Variants in CHMP4B observed in about 807,000 individuals in gnomAD.
CHMP4B encodes charged multivesicular body protein 4B, also known as SNF7 homolog associated with Alix 1.
In CHMP4B, 1 loss-of-function variant was observed where a neutral mutation model predicts 25.1. That is an observed-to-expected ratio of 0.04 (90% CI 0.01 to 0.19). The LOEUF (loss-of-function observed/expected upper bound fraction) is 0.19. Ranked by LOEUF, CHMP4B falls within the 10% of genes least tolerant of loss-of-function variation. The pLI, the probability that CHMP4B is intolerant of heterozygous loss-of-function variation, is 1.00. For missense variants in CHMP4B, 151 were observed against 289.7 expected, an observed-to-expected ratio of 0.52 and a Z score of 3.48; for synonymous variants, 101 against 115.6, an observed-to-expected ratio of 0.87 and a Z score of 0.81.
intron 1 of CHMP4B, among the ~76,000 whole-genome samples, chr20:33,818,660 C>T (rs1432357778): frequency 6.6e-6 from 1 of 152,210 alleles, no homozygotes; most frequent in Non-Finnish European, 1.5e-5. Context: ...AGGGTTGGGG[C>T]AAATCCCAGC....
chr20:33,827,997 G>A (rs572200803), intron 1 of CHMP4B, among the ~76,000 whole-genome samples: 1 of 152,300 alleles, frequency 6.6e-6, no homozygotes, highest in South Asian at 2.1e-4. Context: ...TTCTGCAAAG[G>A]CCTCATGCTT....
intron 1 of CHMP4B, among the ~76,000 whole-genome samples, chr20:33,813,761 C>G (rs1333284631): frequency 6.6e-6 from 1 of 152,122 alleles, no homozygotes; most frequent in Non-Finnish European, 1.5e-5. Context: ...GAAACGGAGT[C>G]TCGCTCTGTT....
At chr20:33,827,614 G>A (rs977646937) in intron 1 of CHMP4B, among the ~76,000 whole-genome samples, 3 of 152,250 alleles carry the variant, frequency 2.0e-5, no homozygotes, top group African/African-American at 7.2e-5. Context: ...GATGCTGGAA[G>A]GCATCTTTTC....
At chr20:33,823,799 C>T (rs1485464629) in intron 1 of CHMP4B, among the ~76,000 whole-genome samples, 3 of 152,160 alleles carry the variant, frequency 2.0e-5, no homozygotes, top group Admixed American at 6.5e-5. Flanking sequence ...CTCGGCTTCC[C>T]GAAGTGCTGG....
At chr20:33,831,647 T>C (rs1386708121) in intron 1 of CHMP4B, among the ~76,000 whole-genome samples, 3 of 152,246 alleles carry the variant, frequency 2.0e-5, no homozygotes, top group Admixed American at 2.0e-4. Flanking sequence ...GTGCTAGGAT[T>C]ACAGGCATGA....
At chr20:33,853,363 C>A in intron 4 of CHMP4B, 133 bp from the exon 5 acceptor site, 4 of 804,468 alleles carry the variant, frequency 5.0e-6, no homozygotes, top group Non-Finnish European at 8.6e-6. Flanking sequence ...AGTCTCCCTA[C>A]AGCCTGGAGA....
chr20:33,835,053 C>G (rs564968977), intron 1 of CHMP4B, among the ~76,000 whole-genome samples: 1 of 152,156 alleles, frequency 6.6e-6, no homozygotes, highest in African/African-American at 2.4e-5. Flanking sequence ...GCCTCGGCCT[C>G]CCAAAATGCT....
At chr20:33,817,087 A>C (rs1007976035) in intron 1 of CHMP4B, among the ~76,000 whole-genome samples, 3 of 152,248 alleles carry the variant, frequency 2.0e-5, no homozygotes, top group African/African-American at 4.8e-5. Flanking sequence ...TCAAGATCTC[A>C]GGTTGAAAAG....
intron 2 of CHMP4B, among the ~76,000 whole-genome samples, chr20:33,850,350 A>G (rs1323223712): frequency 6.6e-6 from 1 of 152,220 alleles, no homozygotes; most frequent in Non-Finnish European, 1.5e-5. Flanking sequence ...TATATGCCTC[A>G]TTTCTGTGTT....
chr20:33,814,786 C>T (rs139859558), intron 1 of CHMP4B, among the ~76,000 whole-genome samples: 15 of 152,326 alleles, frequency 9.8e-5, no homozygotes, highest in Non-Finnish European at 7.3e-5. Flanking sequence ...TCCTGAGTAG[C>T]TAGGACTTCA....
At chr20:33,838,392 G>A (rs1979446951) in intron 1 of CHMP4B, among the ~76,000 whole-genome samples, 1 of 152,198 alleles carries the variant, frequency 6.6e-6, no homozygotes, top group Admixed American at 6.5e-5. Flanking sequence ...AGACTGGAAA[G>A]TGTGTGCCCC....
chr20:33,833,391 T>G (rs1298076113), intron 1 of CHMP4B, among the ~76,000 whole-genome samples: 1 of 152,190 alleles, frequency 6.6e-6, no homozygotes, highest in African/African-American at 2.4e-5. Flanking sequence ...AGGCCCATGG[T>G]CTTCCCTCTT....
intron 1 of CHMP4B, among the ~76,000 whole-genome samples, chr20:33,834,320 T>A (rs1020165162): frequency 1.3e-5 from 2 of 151,798 alleles, no homozygotes; most frequent in Non-Finnish European, 2.9e-5. Flanking sequence ...GTATTTGTAT[T>A]TTTTTTTGGA....
At chr20:33,824,170 A>G (rs992235602) in intron 1 of CHMP4B, among the ~76,000 whole-genome samples, 1 of 152,232 alleles carries the variant, frequency 6.6e-6, no homozygotes, top group Non-Finnish European at 1.5e-5. Context: ...GAGAAGCCTT[A>G]TGTAGGGCAG....
At chr20:33,846,888 C>T (rs1220341206) in intron 1 of CHMP4B, among the ~76,000 whole-genome samples, 1 of 152,218 alleles carries the variant, frequency 6.6e-6, no homozygotes, top group Non-Finnish European at 1.5e-5. Context: ...AAGCCTCCTT[C>T]CTAGCTTTTG....
chr20:33,841,420 G>A (rs1007451219), intron 1 of CHMP4B, among the ~76,000 whole-genome samples: 17 of 152,226 alleles, frequency 1.1e-4, no homozygotes, highest in African/African-American at 4.1e-4. Context: ...AATAAATACA[G>A]CAATGTCAGG....
At chr20:33,850,194 A>G (rs1209874548) in intron 2 of CHMP4B, among the ~76,000 whole-genome samples, 1 of 152,224 alleles carries the variant, frequency 6.6e-6, no homozygotes, top group African/African-American at 2.4e-5. Context: ...CATAAATTCT[A>G]AAGTGTTTAC....
intron 3 of CHMP4B, 47 bp from the exon 4 acceptor site, chr20:33,852,030 G>C: frequency 1.2e-6 from 2 of 1,612,372 alleles, no homozygotes; most frequent in Non-Finnish European, 1.7e-6. Flanking sequence ...GACCGCGGGG[G>C]CTGGGATTCC....
chr20:33,813,877 T>C (rs1873782805), intron 1 of CHMP4B, among the ~76,000 whole-genome samples: 1 of 151,988 alleles, frequency 6.6e-6, no homozygotes, highest in South Asian at 2.1e-4. Flanking sequence ...GGATTACAGG[T>C]GCACGCCACC....
Sources: allele counts gnomAD v4.1 joint callset (sites outside exome capture counted in the v4.1 genomes callset), GRCh38; gene constraint gnomAD v4.1.1; transcripts MANE v1.5; gene names NCBI Gene and HGNC (gene_info 2026-07-23, HGNC 2026-07-21).